CENPC: variants seen among roughly 807,000 people sequenced by gnomAD.
CENPC encodes CENP-C 1.
Under a neutral mutation model 112.1 loss-of-function variants are expected in CENPC, and 63 were observed. That is an observed-to-expected ratio of 0.56 (90% CI 0.46 to 0.69). The LOEUF (loss-of-function observed/expected upper bound fraction) is 0.69, where lower values mean the gene tolerates loss of function less well. Among genes scored for constraint, CENPC ranks in the 30% least tolerant of loss-of-function variants. The pLI, the probability that CENPC is intolerant of heterozygous loss-of-function variation, is 0.00. For missense variants in CENPC, 1,000 were observed against 1,103.8 expected, an observed-to-expected ratio of 0.91 and a Z score of 1.33; for synonymous variants, 333 against 367.6, an observed-to-expected ratio of 0.91 and a Z score of 1.08.
At chr4:67,475,074 C>T in intron 17 of CENPC, 96 bp from the exon 18 acceptor site, 2 of 675,450 alleles carry the variant, frequency 3.0e-6, no homozygotes, top group South Asian at 1.9e-5. Flanking sequence ...CGACTCCCCA[C>T]AAATGTGCTG....
chr4:67,509,946 T>C (rs1432605787), intron 9 of CENPC, among the ~76,000 whole-genome samples: 1 of 152,074 alleles, frequency 6.6e-6, no homozygotes, highest in Admixed American at 6.6e-5. Context: ...CATATCTACA[T>C]CTAGATTTGC....
intron 15 of CENPC, chr4:67,492,621 A>C: frequency 1.9e-6 from 1 of 527,274 alleles, no homozygotes; most frequent in Non-Finnish European, 3.0e-6. Flanking sequence ...GGGCATAGGA[A>C]TGGTGGGTTT....
chr4:67,511,258 G>A (rs1295844787), intron 9 of CENPC, among the ~76,000 whole-genome samples: 2 of 152,130 alleles, frequency 1.3e-5, no homozygotes, highest in Non-Finnish European at 2.9e-5. Flanking sequence ...AATACTTGCT[G>A]CTATCCATCA....
intron 12 of CENPC, among the ~76,000 whole-genome samples, chr4:67,501,567 G>A (rs1284257192): frequency 6.6e-6 from 1 of 152,118 alleles, no homozygotes; most frequent in Non-Finnish European, 1.5e-5. Context: ...CTTGAACCAG[G>A]AGGAAGAAGA....
chr4:67,521,015 AAATAAACAAAT>A, intron 5 of CENPC, among the ~76,000 whole-genome samples: 1 of 130,976 alleles, frequency 7.6e-6, no homozygotes, highest in South Asian at 2.7e-4. Context: ...CTGTCTCAAA[AAATAAACAAAT>A]AAATAAATAA....
At chr4:67,515,474 A>C (rs976352791) in intron 7 of CENPC, among the ~76,000 whole-genome samples, 1 of 151,776 alleles carries the variant, frequency 6.6e-6, no homozygotes, top group Non-Finnish European at 1.5e-5. Flanking sequence ...TCAGACAGAA[A>C]AAAAAAAAGA....
At chr4:67,478,183 C>G (rs962963750) in intron 17 of CENPC, among the ~76,000 whole-genome samples, 24 of 152,232 alleles carry the variant, frequency 1.6e-4, no homozygotes, top group Middle Eastern at 6.8e-3. Context: ...CATCCAAATA[C>G]AAGAAGTTCA....
chr4:67,473,065 A>G (rs1724710558), intron 18 of CENPC, among the ~76,000 whole-genome samples: 1 of 152,166 alleles, frequency 6.6e-6, no homozygotes, highest in South Asian at 2.1e-4. Context: ...TAAAATCTCA[A>G]AATTTTATTT....
At chr4:67,513,074 T>A (rs1332045319) in intron 8 of CENPC, among the ~76,000 whole-genome samples, 4 of 152,246 alleles carry the variant, frequency 2.6e-5, no homozygotes, top group East Asian at 1.9e-4. Flanking sequence ...AGAGGCAAGA[T>A]AAATTCACAA....
intron 12 of CENPC, among the ~76,000 whole-genome samples, chr4:67,501,941 AT>A (rs59978835): frequency 6.6e-6 from 1 of 151,970 alleles, no homozygotes; most frequent in African/African-American, 2.4e-5. Context: ...AAAATAAATT[AT>A]TTTTTAAGTG....
chr4:67,513,229 C>T (rs1041897634), intron 8 of CENPC, among the ~76,000 whole-genome samples: 5 of 151,028 alleles, frequency 3.3e-5, no homozygotes, highest in African/African-American at 9.7e-5. Flanking sequence ...CCCACCAATA[C>T]CTTGATTTTA....
chr4:67,532,690 TG>T (rs1726590486), intron 4 of CENPC, among the ~76,000 whole-genome samples: 1 of 149,418 alleles, frequency 6.7e-6, no homozygotes, highest in Admixed American at 6.7e-5. Context: ...AGATGGGAAT[TG>T]AACAATGAGA....
intron 17 of CENPC, among the ~76,000 whole-genome samples, chr4:67,479,443 G>A (rs952002236): frequency 3.3e-5 from 5 of 151,982 alleles, no homozygotes; most frequent in African/African-American, 9.7e-5. Flanking sequence ...GCAAATAGAT[G>A]GAAATTAAAT....
At chr4:67,495,631 A>C (rs946738401) in intron 12 of CENPC, among the ~76,000 whole-genome samples, 15 of 152,188 alleles carry the variant, frequency 9.9e-5, no homozygotes, top group African/African-American at 3.1e-4. Flanking sequence ...TTTATTCTAA[A>C]CAGTGTAACA....
At chr4:67,505,069 T>C (rs544457218) in intron 12 of CENPC, 136 bp downstream of exon 12, 2 of 644,134 alleles carry the variant, frequency 3.1e-6, no homozygotes, top group East Asian at 5.8e-5. Flanking sequence ...GTCTTATTAA[T>C]CTCTAACTAA....
chr4:67,537,384 C>T (rs75492025), intron 4 of CENPC, among the ~76,000 whole-genome samples: 1,863 of 152,254 alleles, frequency 0.012, 34 homozygotes, highest in East Asian at 0.084. Context: ...AGGCCAGGCA[C>T]AGTGCTCATG....
chr4:67,506,845 A>T lies in CENPC; in HGVS notation c.1994T>A (p.Ile665Lys). ...AGAATCCAAGTTTGACTCTGTTGGT[A>T]TATTACATGTATATCCACTGGTCTG... ...KPQTSGYTCN[I>K]PTESNLDSGE... The change falls in exon 11 of 19, where the codon ATA (isoleucine) becomes AAA (lysine). Residue 665 changes from isoleucine (I) to lysine (K), a missense_variant. Transcript: ENST00000273853. 2.5e-6 allele frequency: 4 copies of T among 1,612,404 alleles called. No individual in the cohort carries two copies. Among genetic ancestry groups the T allele is most frequent in the Non-Finnish European group, 3.4e-6 (4 of 1,179,108 alleles).
At chr4:67,492,388 A>G in intron 15 of CENPC, 113 bp from the exon 16 acceptor site, 1 of 582,196 alleles carries the variant, frequency 1.7e-6, no homozygotes, top group South Asian at 2.9e-5. Flanking sequence ...TCAAACGCAA[A>G]GAAGTCTCTT....
At chr4:67,493,134 A>C (rs1725329868) in intron 14 of CENPC, 137 bp from the exon 15 acceptor site, 1 of 629,660 alleles carries the variant, frequency 1.6e-6, no homozygotes, top group South Asian at 2.4e-5. Context: ...AAAATAACAC[A>C]AATACCAACC....
Sources: allele counts gnomAD v4.1 joint callset (sites outside exome capture counted in the v4.1 genomes callset), GRCh38; gene constraint gnomAD v4.1.1; transcripts MANE v1.5; gene names NCBI Gene and HGNC (gene_info 2026-07-23, HGNC 2026-07-21).